Variants in KANSL2 observed in about 807,000 individuals in gnomAD.
KANSL2 encodes NSL complex protein NSL2.
A neutral mutation model predicts 55.6 loss-of-function variants in KANSL2; 34 were observed. The observed-to-expected ratio is 0.61, with a 90% CI of 0.46 to 0.81. The LOEUF (loss-of-function observed/expected upper bound fraction) is 0.81. Among genes scored for constraint, KANSL2 ranks in the 40% least tolerant of loss-of-function variants. KANSL2 has a pLI of 0.00. For synonymous variants in KANSL2, 209 were observed against 214.3 expected, an observed-to-expected ratio of 0.98 and a Z score of 0.22; for missense variants, 502 against 609.9, an observed-to-expected ratio of 0.82 and a Z score of 1.86.
intron 5 of KANSL2, 138 bp downstream of exon 5, chr12:48,671,660 CG>C: frequency 1.2e-6 from 1 of 838,996 alleles, no homozygotes; most frequent in South Asian, 1.7e-5. Flanking sequence ...CCTACGTTAG[CG>C]TGAGTCACTC....
rs773868844 is a variant in KANSL2 at position 48,679,766 on chromosome 12, T to G, written c.319A>C (p.Asn107His). Residue 107 changes from asparagine to histidine, a missense_variant, in exon 3 of 10, where the codon AAC (asparagine) becomes CAC (histidine). Coordinates refer to ENST00000420613, the MANE Select transcript of KANSL2 (RefSeq NM_017822.4). ...LALHAQMKKT[N>H]PGPVGETLLC... ...AGTGTTTCACCCACAGGCCCTGGGT[T>G]GGTCTTCTTCATTTGAGCATGAAGT... is the stretch of plus-strand genomic sequence containing the variant. 6.2e-7 allele frequency: 1 copy of G among 1,609,820 alleles called. No individual in the cohort carries two copies. Among genetic ancestry groups the G allele is most frequent in the Non-Finnish European group, 8.5e-7 (1 of 1,178,016 alleles).
intron 7 of KANSL2, among the ~76,000 whole-genome samples, chr12:48,666,339 C>T (rs1427398227): frequency 1.3e-5 from 2 of 151,832 alleles, no homozygotes; most frequent in African/African-American, 4.8e-5. Context: ...ACTGCTTAAG[C>T]CCAGCAGTTT....
In KANSL2 at chr12:48,653,959, CTG is replaced by C; in HGVS notation, c.*83_*84del. ...AGAAAAACAAGGTAGTCTGGGTTGC[CTG>C]TGTTTTGTGAGAGATGATCAGAAAT... On this transcript the variant is annotated 3_prime_UTR_variant, in exon 10 of 10. Coordinates refer to ENST00000420613, the MANE Select transcript of KANSL2 (RefSeq NM_017822.4). The C allele has an allele frequency of 1.5e-6, 2 of 1,376,940 alleles. No individual in the cohort carries two copies. Among genetic ancestry groups the C allele is most frequent in the South Asian group, 1.5e-5 (1 of 66,142 alleles). The allele number at this position is 1,376,940 out of a possible 1,614,324, so 85.3% of individuals were successfully genotyped here. A position where few individuals can be genotyped will look rare whatever the true frequency, so the allele number is the denominator to read the frequency against.
intron 7 of KANSL2, chr12:48,662,526 A>AAT: frequency 8.0e-7 from 1 of 1,248,854 alleles, no homozygotes; most frequent in Non-Finnish European, 1.0e-6. Context: ...CAGATGGGGC[A>AAT]AAAGAGGTAA....
intron 7 of KANSL2, among the ~76,000 whole-genome samples, chr12:48,664,040 G>A (rs11168673): frequency 6.9e-6 from 1 of 145,078 alleles, no homozygotes; most frequent in Non-Finnish European, 1.5e-5. Context: ...TCAGCCTCCC[G>A]AGTAGCTGGG....
intron 8 of KANSL2, 48 bp from the exon 9 acceptor site, chr12:48,655,108 T>C: frequency 1.3e-6 from 2 of 1,539,122 alleles, no homozygotes; most frequent in Non-Finnish European, 1.8e-6. Flanking sequence ...GAAACAGTAA[T>C]AAAGTTGGCA....
chr12:48,670,545 ATTTT>A (rs1032822461), intron 5 of KANSL2, among the ~76,000 whole-genome samples: 1 of 151,760 alleles, frequency 6.6e-6, no homozygotes, highest in African/African-American at 2.4e-5. Flanking sequence ...GTTTAAAAGG[ATTTT>A]TTTTTAATTA....
At chr12:48,672,423 A>ACG (rs1299075140) in intron 4 of KANSL2, among the ~76,000 whole-genome samples, 34 of 112,646 alleles carry the variant, frequency 3.0e-4, no homozygotes, top group African/African-American at 1.0e-3. Context: ...ATATATATAT[A>ACG]TATATATATA....
chr12:48,667,638 C>A (rs1565606720), intron 7 of KANSL2, 55 bp downstream of exon 7: 2 of 1,326,288 alleles, frequency 1.5e-6, no homozygotes, highest in East Asian at 4.6e-5. Context: ...ACAGAGATTC[C>A]CACTAGTCTT....
chr12:48,656,610 T>TAA (rs149545016), intron 8 of KANSL2: 2,684 of 324,530 alleles, frequency 8.3e-3, no homozygotes, highest in East Asian at 0.011. Context: ...TTTTGCTCTG[T>TAA]AAAAAAAAAA....
chr12:48,658,414 T>C (rs1289711391), intron 8 of KANSL2, among the ~76,000 whole-genome samples: 2 of 152,184 alleles, frequency 1.3e-5, no homozygotes, highest in Admixed American at 1.3e-4. Flanking sequence ...AAAATGCCTA[T>C]TAAAACAGGA....
At position 48,661,177 on chromosome 12, in the gene KANSL2, G is replaced by C. The variant is rs1397026810; in HGVS notation, c.974-558C>G. ...GTCACTAGGTATCATATCCTAACAA[G>C]AAATTAAATATACATGCCTTTTTTT... On this transcript the variant is annotated intron_variant, in intron 7 of 9. Coordinates refer to ENST00000420613, the MANE Select transcript of KANSL2 (RefSeq NM_017822.4). 3.4e-6 allele frequency: 3 copies of C among 881,690 alleles called. No homozygotes were observed. The Admixed American group carries it at 1.9e-4, about 56-fold the overall frequency. The allele number at this position is 881,690 out of a possible 1,614,324, so 54.6% of individuals were successfully genotyped here.
Position 48,653,970 on chromosome 12 carries a change from G to A in KANSL2, c.*74C>T. ...GTAGTCTGGGTTGCCTGTGTTTTGT[G>A]AGAGATGATCAGAAATACTTCTTTG... On this transcript the variant is annotated 3_prime_UTR_variant, in exon 10 of 10. Coordinates refer to ENST00000420613, the MANE Select transcript of KANSL2 (RefSeq NM_017822.4). 7.0e-7 allele frequency: 1 copy of A among 1,429,826 alleles called. No homozygotes were observed. Among genetic ancestry groups the A allele is most frequent in the African/African-American group, 1.4e-5 (1 of 69,746 alleles). 88.6% of individuals were successfully genotyped at this position (1,429,826 alleles called of 1,614,324 possible). A position where few individuals can be genotyped will look rare whatever the true frequency, so the allele number is the denominator to read the frequency against.
At chr12:48,672,644 T>C (rs1939747950) in intron 4 of KANSL2, among the ~76,000 whole-genome samples, 1 of 151,732 alleles carries the variant, frequency 6.6e-6, no homozygotes, top group Non-Finnish European at 1.5e-5. Context: ...TTGTCCAGGC[T>C]TGAACCCCTG....
chr12:48,672,619 T>C (rs1392588743), intron 4 of KANSL2, among the ~76,000 whole-genome samples: 1 of 151,432 alleles, frequency 6.6e-6, no homozygotes, highest in Admixed American at 6.6e-5. Context: ...TTTGTAGAGA[T>C]GGGATTTCAC....
At chr12:48,654,437 C>G (rs759761965) in intron 9 of KANSL2, 4 of 713,862 alleles carry the variant, frequency 5.6e-6, no homozygotes, top group African/African-American at 3.5e-5. Flanking sequence ...GAACAGCCAA[C>G]AGACCACAGG....
Position 48,654,075 on chromosome 12 carries a change from T to C in KANSL2, c.1448A>G (p.Asn483Ser), listed in dbSNP as rs1939330485. ...PLSQSGLATA[N>S]GKPEPTSIS ...AATAGAAGTGGGTTCTGGCTTCCCA[T>C]TTGCAGTAGCCAATCCACTCTGAGA... Residue 483 changes from asparagine to serine, a missense_variant, in exon 10 of 10, where the codon AAT becomes AGT. Coordinates refer to ENST00000420613, the MANE Select transcript of KANSL2 (RefSeq NM_017822.4). 2.5e-6 allele frequency: 4 copies of C among 1,607,530 alleles called. No individual in the cohort carries two copies. The highest frequency in any genetic ancestry group is 1.3e-5 in the African/African-American group (1 of 74,618).
intron 2 of KANSL2, 152 bp from the exon 3 acceptor site, chr12:48,679,985 A>G (rs1466151578): frequency 9.1e-6 from 6 of 657,140 alleles, no homozygotes; most frequent in Non-Finnish European, 1.3e-5. Flanking sequence ...TAACTGGCCC[A>G]AGGTCAACTC....
At chr12:48,664,434 C>T (rs1342265107) in intron 7 of KANSL2, among the ~76,000 whole-genome samples, 1 of 151,860 alleles carries the variant, frequency 6.6e-6, no homozygotes, top group Non-Finnish European at 1.5e-5. Flanking sequence ...CGCCCACCAC[C>T]GCACCCGGCT....
Sources: allele counts gnomAD v4.1 joint callset (sites outside exome capture counted in the v4.1 genomes callset), GRCh38; gene constraint gnomAD v4.1.1; transcripts MANE v1.5; gene names NCBI Gene and HGNC (gene_info 2026-07-23, HGNC 2026-07-21).